Variants in NDUFB4 observed in about 807,000 individuals in gnomAD.
NDUFB4 encodes the protein NADH dehydrogenase [ubiquinone] 1 beta subcomplex subunit 4.
NDUFB4 carries 10 observed loss-of-function variants against 14.5 expected under a neutral mutation model. The ratio of observed to expected loss-of-function variants is 0.69; its 90% CI spans 0.43 to 1.17. The LOEUF (loss-of-function observed/expected upper bound fraction) is 1.17, where lower values mean the gene tolerates loss of function less well. Ranked by LOEUF, NDUFB4 falls within the 50% of genes most tolerant of loss-of-function variation. NDUFB4 has a pLI of 0.00. For missense variants in NDUFB4, 165 were observed against 161.1 expected (o/e 1.02, Z -0.13); for synonymous variants, 65 against 63.4 (o/e 1.03, Z -0.12).
chr3:120,602,411 C>G lies in NDUFB4; in HGVS notation c.*141C>G. ...CTAACAACACAGAAGCAGACGCAGC[C>G]CGTGTTGGGAATCTGCTGTCAGAGT... On this transcript the variant is annotated 3_prime_UTR_variant, in exon 3 of 3. Transcript: ENST00000184266. The G allele has an allele frequency of 1.4e-6, 1 of 722,368 alleles. No individual in the cohort carries two copies. The highest frequency in any genetic ancestry group is 2.4e-5 in the South Asian group (1 of 41,332). 44.7% of individuals were successfully genotyped at this position (722,368 alleles called of 1,614,324 possible).
At chr3:120,601,653 G>A (rs1285321551) in intron 2 of NDUFB4, 7 of 1,040,122 alleles carry the variant, frequency 6.7e-6, no homozygotes, top group East Asian at 9.6e-5. Flanking sequence ...AATAGCTGCC[G>A]TCAGCAGCCT....
chr3:120,600,835 A>G, intron 1 of NDUFB4: 1 of 376,696 alleles, frequency 2.7e-6, no homozygotes, highest in East Asian at 6.1e-5. Flanking sequence ...ATTAGGTTAG[A>G]TTAGTTAGAT....
At chr3:120,597,768 A>G (rs1362882731) in intron 1 of NDUFB4, among the ~76,000 whole-genome samples, 1 of 152,174 alleles carries the variant, frequency 6.6e-6, no homozygotes, top group Non-Finnish European at 1.5e-5. Context: ...GTCTCCAGCC[A>G]GAACCTTGTT....
intron 1 of NDUFB4, 167 bp from the exon 2 acceptor site, chr3:120,600,944 C>A: frequency 1.7e-6 from 1 of 590,472 alleles, no homozygotes; most frequent in Non-Finnish European, 2.9e-6. Context: ...CAAAAAACAC[C>A]AGAAATGAAA....
chr3:120,602,280 T>C lies in NDUFB4; in HGVS notation c.*10T>C. 1.3e-6 allele frequency: 2 copies of C among 1,596,806 alleles called. No individual in the cohort carries two copies. Among genetic ancestry groups the C allele is most frequent in the Non-Finnish European group, 1.7e-6 (2 of 1,168,988 alleles). ...TCACCTCTCATATTAAGTCTGGCAA[T>C]GATGACTATATGTATTCCTGCCTAA... On this transcript the variant is annotated 3_prime_UTR_variant, in exon 3 of 3. Coordinates refer to ENST00000184266, the MANE Select transcript of NDUFB4 (RefSeq NM_004547.6).
chr3:120,596,964 T>TTA (rs955857929), intron 1 of NDUFB4, among the ~76,000 whole-genome samples: 11 of 143,214 alleles, frequency 7.7e-5, no homozygotes, highest in Non-Finnish European at 3.1e-5. Context: ...ATATATTATA[T>TTA]TATATATATA....
chr3:120,597,100 G>A (rs189442591), intron 1 of NDUFB4, among the ~76,000 whole-genome samples: 1 of 143,654 alleles, frequency 7.0e-6, no homozygotes, highest in East Asian at 2.0e-4. Flanking sequence ...TAAAGAGCTG[G>A]TGTTTACCTT....
chr3:120,600,562 A>T (rs1328590732), intron 1 of NDUFB4, among the ~76,000 whole-genome samples: 2 of 152,238 alleles, frequency 1.3e-5, no homozygotes, highest in South Asian at 2.1e-4. Context: ...AGGTCAGCTT[A>T]AAAAACTTAC....
At chr3:120,596,766 G>A (rs1220162723) in intron 1 of NDUFB4, 22 of 551,250 alleles carry the variant, frequency 4.0e-5, no homozygotes, top group Non-Finnish European at 5.9e-5. Context: ...ATCACTTCCT[G>A]CCTGCGTGAC....
In NDUFB4 at chr3:120,596,440, G is replaced by A. The variant is rs946413059; in HGVS notation, c.81G>A (p.Pro27=). The part of the protein sequence containing the change: ...TLDPAEYNIS[P]ETRRAQAERL... ...ACCCAGCCGAATACAACATATCTCC[G>A]GAAACCCGGCGGGCGCAAGCCGAGC... The change falls in exon 1 of 3, where the codon CCG becomes CCA. Residue 27 remains proline, a synonymous_variant. Transcript: ENST00000184266. The A allele has an allele frequency of 2.5e-6, 4 of 1,613,980 alleles. No individual in the cohort carries two copies. The African/African-American group carries it at 4.0e-5, about 16-fold the overall frequency.
At chr3:120,601,018 T>C in intron 1 of NDUFB4, 93 bp from the exon 2 acceptor site, 1 of 1,084,250 alleles carries the variant, frequency 9.2e-7, no homozygotes, top group Non-Finnish European at 1.4e-6. Flanking sequence ...GAGAACAAAA[T>C]GCGTCTGTGC....
chr3:120,596,691 C>A, intron 1 of NDUFB4, 152 bp downstream of exon 1: 1 of 863,422 alleles, frequency 1.2e-6, no homozygotes, highest in Non-Finnish European at 1.8e-6. Context: ...TTACCTTTGC[C>A]AGAGCTTGGC....
intron 1 of NDUFB4, among the ~76,000 whole-genome samples, chr3:120,599,417 A>G (rs1940020101): frequency 6.6e-6 from 1 of 152,100 alleles, no homozygotes; most frequent in South Asian, 2.1e-4. Flanking sequence ...GTAGATAGGA[A>G]AGACCAGCGA....
chr3:120,596,354 G>T lies in NDUFB4; in HGVS notation c.-6G>T. The T allele has an allele frequency of 1.2e-6, 2 of 1,613,952 alleles. No homozygotes were observed. The highest frequency in any genetic ancestry group is 1.7e-6 in the Non-Finnish European group (2 of 1,179,952). On this transcript the variant is annotated 5_prime_UTR_variant, in exon 1 of 3. Coordinates refer to ENST00000184266, the MANE Select transcript of NDUFB4 (RefSeq NM_004547.6). ...CGCAGGCGCAATTGTGCCCTGGTTCGCCAAGATGTCGTTCCCAAAGTATAA... is the reference window on the plus strand; with the variant it reads ...CGCAGGCGCAATTGTGCCCTGGTTCTCCAAGATGTCGTTCCCAAAGTATAA...
chr3:120,599,249 G>A (rs1940017456), intron 1 of NDUFB4, among the ~76,000 whole-genome samples: 1 of 152,126 alleles, frequency 6.6e-6, no homozygotes, highest in South Asian at 2.1e-4. Context: ...GATATGTGAC[G>A]TTTTAGATGC....
intron 1 of NDUFB4, chr3:120,600,896 T>G: frequency 1.9e-6 from 1 of 532,462 alleles, no homozygotes; most frequent in Non-Finnish European, 3.3e-6. Flanking sequence ...ATATGAGCCT[T>G]CTACATTCTG....
In NDUFB4 at chr3:120,596,388, G is replaced by T; in HGVS notation, c.29G>T (p.Ser10Ile). Residue 10 changes from serine to isoleucine, a missense_variant, in exon 1 of 3, where the codon AGC (serine) becomes ATC (isoleucine). Physicochemically the swap from Ser to Ile is moderately radical, Grantham distance 142. Coordinates refer to ENST00000184266, the MANE Select transcript of NDUFB4 (RefSeq NM_004547.6). ...TCGTTCCCAAAGTATAAGCCGTCGAGCCTGCGCACTCTGCCTGAGACCCTC... is the reference window on the plus strand; with the variant it reads ...TCGTTCCCAAAGTATAAGCCGTCGATCCTGCGCACTCTGCCTGAGACCCTC... Reference protein sequence around the residue: MSFPKYKPSSLRTLPETLDP... With the variant: MSFPKYKPSILRTLPETLDP... The T allele has an allele frequency of 1.2e-6, 2 of 1,614,204 alleles. No homozygotes were observed. The highest frequency in any genetic ancestry group is 1.7e-6 in the Non-Finnish European group (2 of 1,180,032).
chr3:120,602,323 C>T lies in NDUFB4; in HGVS notation c.*53C>T, dbSNP rs1363947015. The T allele has an allele frequency of 2.1e-6, 3 of 1,463,298 alleles. No individual in the cohort carries two copies. The highest frequency in any genetic ancestry group is 2.8e-5 in the African/African-American group (2 of 70,394). 90.6% of individuals were successfully genotyped at this position (1,463,298 alleles called of 1,614,324 possible). ...CTGCCTAAATAAATCATCTATTAAT[C>T]ATTAAGTAGTAGTTTCTCTTTCTTA... is the stretch of plus-strand genomic sequence containing the variant. On this transcript the variant is annotated 3_prime_UTR_variant, in exon 3 of 3. Coordinates refer to ENST00000184266, the MANE Select transcript of NDUFB4 (RefSeq NM_004547.6).
rs369177790 is a variant in NDUFB4, at chr3:120,601,130, G to T, written c.200G>T (p.Arg67Leu). The T allele has an allele frequency of 1.9e-6, 3 of 1,610,736 alleles. No homozygotes were observed. Among genetic ancestry groups the T allele is most frequent in the Non-Finnish European group, 2.5e-6 (3 of 1,179,292 alleles). ...RGLIENPALLRWAYARTINVY... is the reference protein window; with the variant it reads ...RGLIENPALLLWAYARTINVY... The stretch of plus-strand genomic sequence containing the variant: ...TTTTAGGAAAATCCTGCCTTGCTTC[G>T]TTGGGCCTATGCAAGAACAATAAAT... The change falls in exon 2 of 3, where the codon CGT becomes CTT. Residue 67 changes from arginine to leucine, a missense_variant. Transcript: ENST00000184266.
Sources: gnomAD v4.1 joint callset for allele counts (sites outside exome capture counted in the v4.1 genomes callset) on GRCh38, gnomAD v4.1.1 for gene constraint, MANE v1.5 for transcripts, NCBI Gene and HGNC (gene_info 2026-07-23, HGNC 2026-07-21) for gene names.